Variants in KDM4C observed in about 807,000 individuals in gnomAD.
KDM4C encodes lysine demethylase 4C, also known as lysine-specific demethylase 4C.
KDM4C carries 81 observed loss-of-function variants against 129.3 expected under a neutral mutation model. The observed-to-expected ratio is 0.63, with a 90% CI of 0.52 to 0.75. The LOEUF (loss-of-function observed/expected upper bound fraction) is 0.75. Among genes scored for constraint, KDM4C ranks in the 30% least tolerant of loss-of-function variants. The pLI, the probability that KDM4C is intolerant of heterozygous loss-of-function variation, is 0.00. For missense variants in KDM4C, 1,457 were observed against 1,304.0 expected (o/e 1.12, Z -1.81); for synonymous variants, 573 against 456.1 (o/e 1.26, Z -3.26).
At chr9:6,928,690 A>G (rs752753227) in intron 8 of KDM4C, among the ~76,000 whole-genome samples, 2 of 150,864 alleles carry the variant, frequency 1.3e-5, no homozygotes, top group Non-Finnish European at 2.9e-5. Flanking sequence ...GTTATTTTTT[A>G]TCGCCTATGA....
intron 8 of KDM4C, among the ~76,000 whole-genome samples, chr9:6,926,783 C>A (rs759876175): frequency 6.6e-6 from 1 of 152,170 alleles, no homozygotes; most frequent in Non-Finnish European, 1.5e-5. Context: ...TTGATGTTTT[C>A]ATTGATCTGT....
chr9:7,062,033 T>C (rs899158512), intron 17 of KDM4C, among the ~76,000 whole-genome samples: 7 of 152,162 alleles, frequency 4.6e-5, no homozygotes, highest in Admixed American at 2.6e-4. Context: ...AGTGTTGCGA[T>C]CTTGGCTCAC....
At chr9:6,868,515 A>T (rs1329064898) in intron 5 of KDM4C, among the ~76,000 whole-genome samples, 1 of 152,106 alleles carries the variant, frequency 6.6e-6, no homozygotes, top group East Asian at 1.9e-4. Context: ...CACGTCCCTG[A>T]TATAAAGTGC....
intron 1 of KDM4C, among the ~76,000 whole-genome samples, chr9:6,763,496 C>T (rs1445366568): frequency 3.3e-5 from 5 of 152,294 alleles, no homozygotes; most frequent in African/African-American, 9.6e-5. Context: ...CTCTTCCCTC[C>T]CTACCCTCAT....
At chr9:6,982,553 T>A (rs1473958496) in intron 9 of KDM4C, 1 of 152,224 alleles carries the variant, frequency 6.6e-6, no homozygotes, top group Non-Finnish European at 1.5e-5. Flanking sequence ...TAACTCACTG[T>A]GGGTTACATT....
intron 19 of KDM4C, among the ~76,000 whole-genome samples, chr9:7,157,114 A>G (rs1210679494): frequency 1.3e-5 from 2 of 151,954 alleles, no homozygotes; most frequent in African/African-American, 2.4e-5. Flanking sequence ...TCTTTGTAGC[A>G]GTTGTGAATG....
intron 17 of KDM4C, among the ~76,000 whole-genome samples, chr9:7,102,501 A>G (rs772112743): frequency 4.0e-4 from 61 of 152,090 alleles, no homozygotes; most frequent in Non-Finnish European, 1.8e-4. Context: ...ATCCATTATG[A>G]TGCTGGGCAA....
chr9:6,872,349 A>C (rs1240745316), intron 5 of KDM4C, among the ~76,000 whole-genome samples: 1 of 152,088 alleles, frequency 6.6e-6, no homozygotes, highest in Admixed American at 6.5e-5. Context: ...AGAGGTATTG[A>C]TTTGGGGTGG....
chr9:7,137,242 C>T (rs1042688178), intron 19 of KDM4C, among the ~76,000 whole-genome samples: 3 of 152,196 alleles, frequency 2.0e-5, no homozygotes, highest in Non-Finnish European at 4.4e-5. Context: ...CTCCAGTGGC[C>T]TTGGCAGGCT....
At chr9:6,789,804 C>G (rs889515640) in intron 1 of KDM4C, among the ~76,000 whole-genome samples, 1 of 152,064 alleles carries the variant, frequency 6.6e-6, no homozygotes, top group Admixed American at 6.5e-5. Flanking sequence ...AGGTTTTTCC[C>G]TGTTGCAGGC....
intron 4 of KDM4C, among the ~76,000 whole-genome samples, chr9:6,833,356 T>C (rs1835261046): frequency 6.6e-6 from 1 of 152,174 alleles, no homozygotes; most frequent in Non-Finnish European, 1.5e-5. Flanking sequence ...ATAGAAAATG[T>C]AGTTACCAAA....
At chr9:6,815,926 T>G (rs1308590957) in intron 4 of KDM4C, among the ~76,000 whole-genome samples, 1 of 152,246 alleles carries the variant, frequency 6.6e-6, no homozygotes, top group Non-Finnish European at 1.5e-5. Flanking sequence ...TGATGTATGA[T>G]GCAGGCATCA....
At chr9:6,875,272 G>T (rs1310171886) in intron 5 of KDM4C, among the ~76,000 whole-genome samples, 1 of 152,188 alleles carries the variant, frequency 6.6e-6, no homozygotes, top group East Asian at 1.9e-4. Flanking sequence ...TCCTCTTAGG[G>T]AGCTGAGATA....
At chr9:6,996,421 C>T (rs961223505) in intron 12 of KDM4C, among the ~76,000 whole-genome samples, 1 of 152,168 alleles carries the variant, frequency 6.6e-6, no homozygotes, top group African/African-American at 2.4e-5. Context: ...TGTTTCCCAA[C>T]ATTTCTTATT....
At chr9:6,768,133 G>A (rs1025324751) in intron 1 of KDM4C, among the ~76,000 whole-genome samples, 2 of 152,072 alleles carry the variant, frequency 1.3e-5, no homozygotes, top group Non-Finnish European at 2.9e-5. Flanking sequence ...TCGACCGAGA[G>A]TGTCAGGCAT....
intron 8 of KDM4C, among the ~76,000 whole-genome samples, chr9:6,952,437 A>T (rs144838591): frequency 0.048 from 7,170 of 149,030 alleles, 280 homozygotes; most frequent in East Asian, 0.14. Context: ...ATATAATAAT[A>T]ATTATTATTA....
At chr9:6,873,629 C>G (rs1390477810) in intron 5 of KDM4C, among the ~76,000 whole-genome samples, 2 of 152,156 alleles carry the variant, frequency 1.3e-5, no homozygotes, top group African/African-American at 4.8e-5. Flanking sequence ...AAGCCTTGCT[C>G]TGGATTAGGA....
intron 1 of KDM4C, among the ~76,000 whole-genome samples, chr9:6,731,034 C>G (rs2130211321): frequency 6.6e-6 from 1 of 152,306 alleles, no homozygotes; most frequent in Middle Eastern, 3.4e-3. Context: ...TTAACAATCA[C>G]CCTCTTTTGG....
intron 15 of KDM4C, among the ~76,000 whole-genome samples, chr9:7,019,070 T>A (rs1446034492): frequency 6.6e-6 from 1 of 152,184 alleles, no homozygotes; most frequent in Non-Finnish European, 1.5e-5. Flanking sequence ...TCTATGAAGC[T>A]CCCTTCCTAT....
Sources: gnomAD v4.1 joint callset for allele counts (sites outside exome capture counted in the v4.1 genomes callset) on GRCh38, gnomAD v4.1.1 for gene constraint, MANE v1.5 for transcripts, NCBI Gene and HGNC (gene_info 2026-07-23, HGNC 2026-07-21) for gene names.